EPB41L5: variants seen among roughly 807,000 people sequenced by gnomAD.
EPB41L5 encodes the protein erythrocyte membrane protein band 4.1 like 5.
EPB41L5 carries 55 observed loss-of-function variants against 106.6 expected under a neutral mutation model. The ratio of observed to expected loss-of-function variants is 0.52; its 90% CI spans 0.42 to 0.65. The LOEUF is 0.65. EPB41L5 is among the 30% of genes least tolerant of loss of function. The pLI is 0.00. For missense variants in EPB41L5, 871 were observed against 882.1 expected, an observed-to-expected ratio of 0.99 and a Z score of 0.16; for synonymous variants, 297 against 306.7, an observed-to-expected ratio of 0.97 and a Z score of 0.33.
intron 18 of EPB41L5, among the ~76,000 whole-genome samples, chr2:120,139,848 G>A (rs776104898): frequency 2.0e-5 from 3 of 151,934 alleles, no homozygotes; most frequent in African/African-American, 7.2e-5. Flanking sequence ...TCAGTATATC[G>A]AAGAGATATC....
chr2:120,093,394 A>G, intron 14 of EPB41L5, 118 bp downstream of exon 14: 1 of 826,742 alleles, frequency 1.2e-6, no homozygotes, highest in Non-Finnish European at 2.1e-6. Flanking sequence ...AGCACCAGGG[A>G]TATGTCAGGG....
At chr2:120,153,987 C>G (rs1321686204) in intron 20 of EPB41L5, among the ~76,000 whole-genome samples, 2 of 152,112 alleles carry the variant, frequency 1.3e-5, no homozygotes, top group South Asian at 2.1e-4. Flanking sequence ...CCACTTACAT[C>G]TAAAGTGATT....
rs897384689 is a variant in EPB41L5, at chr2:120,174,825, T to C, written c.2136-16T>C. ...CCCAGGGGTTCCCTGAGTAACCCAT[T>C]CTCTCTTCCTTTCAGCTCTGGTCCC... On this transcript the variant is annotated splice_polypyrimidine_tract_variant and intron_variant, in intron 24 of 24. Transcript: ENST00000263713. 3 of 1,613,788 alleles carry C rather than the reference T, an allele frequency of 1.9e-6. No individual in the cohort carries two copies. The African/African-American group carries it at 4.0e-5, about 22-fold the overall frequency.
intron 17 of EPB41L5, chr2:120,128,227 GAAAT>G (rs1304675359): frequency 7.6e-5 from 11 of 144,986 alleles, no homozygotes; most frequent in Admixed American, 4.9e-4. Flanking sequence ...CCCACAAAAA[GAAAT>G]AACACAGAAA....
chr2:120,159,106 G>A (rs892287795), intron 20 of EPB41L5, among the ~76,000 whole-genome samples: 1 of 152,048 alleles, frequency 6.6e-6, no homozygotes, highest in Non-Finnish European at 1.5e-5. Flanking sequence ...ACAGACTAAT[G>A]GAAAAACATT....
At chr2:120,045,866 T>C (rs544111361) in intron 3 of EPB41L5, among the ~76,000 whole-genome samples, 7 of 150,420 alleles carry the variant, frequency 4.7e-5, no homozygotes, top group African/African-American at 1.7e-4. Context: ...TTCCCAAGTG[T>C]TCTCATTGTT....
chr2:120,090,199 G>A (rs1165446213), intron 11 of EPB41L5, 148 bp from the exon 12 acceptor site: 3 of 521,394 alleles, frequency 5.8e-6, no homozygotes, highest in Non-Finnish European at 9.6e-6. Context: ...TTTCAGCTCT[G>A]CCCTTATTAT....
chr2:120,150,899 G>A (rs1686642838), intron 20 of EPB41L5, among the ~76,000 whole-genome samples: 1 of 152,032 alleles, frequency 6.6e-6, no homozygotes, highest in African/African-American at 2.4e-5. Context: ...CTTTTCTTAG[G>A]TTGTCTGTGC....
intron 2 of EPB41L5, among the ~76,000 whole-genome samples, chr2:120,038,641 C>T (rs187989823): frequency 6.6e-6 from 1 of 152,284 alleles, no homozygotes; most frequent in Non-Finnish European, 1.5e-5. Context: ...TTAGTCCCAG[C>T]TACTTGGAAG....
chr2:120,053,697 A>G (rs1035967586), intron 3 of EPB41L5, among the ~76,000 whole-genome samples: 3 of 152,144 alleles, frequency 2.0e-5, no homozygotes, highest in African/African-American at 7.2e-5. Flanking sequence ...ATTCTATTGT[A>G]TGAATATATC....
chr2:120,149,433 G>A (rs1163506870), intron 20 of EPB41L5, among the ~76,000 whole-genome samples: 1 of 152,074 alleles, frequency 6.6e-6, no homozygotes, highest in Non-Finnish European at 1.5e-5. Flanking sequence ...TCTACTTTCT[G>A]TCTCTATAGA....
At chr2:120,115,427 C>T (rs1324297526) in intron 16 of EPB41L5, among the ~76,000 whole-genome samples, 14 of 152,276 alleles carry the variant, frequency 9.2e-5, no homozygotes, top group East Asian at 3.9e-4. Flanking sequence ...TTTTTTGAGA[C>T]GGAGTCTCAC....
At chr2:120,161,211 TACCA>T in intron 21 of EPB41L5, among the ~76,000 whole-genome samples, 1 of 152,002 alleles carries the variant, frequency 6.6e-6, no homozygotes, top group Non-Finnish European at 1.5e-5. Flanking sequence ...AACCTGTCTC[TACCA>T]ATAATACAAA....
At chr2:120,104,125 C>T (rs750766524) in intron 16 of EPB41L5, 3 of 1,535,898 alleles carry the variant, frequency 2.0e-6, no homozygotes, top group African/African-American at 1.4e-5. Context: ...GCCTTGCCCC[C>T]ACCCCAGACC....
intron 15 of EPB41L5, 24 bp from the exon 16 acceptor site, chr2:120,100,675 A>T (rs1355244651): frequency 6.4e-7 from 1 of 1,561,820 alleles, no homozygotes; most frequent in East Asian, 2.2e-5. Context: ...CAAAATAGAT[A>T]ATTTTTATAA....
chr2:120,174,865 A>C lies in EPB41L5; in HGVS notation c.2160A>C (p.Glu720Asp), dbSNP rs753856682. The change falls in exon 25 of 25, where the codon GAA (glutamate) becomes GAC (aspartate). Residue 720 changes from glutamate (E) to aspartate (D), a missense_variant. Physicochemically the swap from Glu to Asp is conservative, Grantham distance 45. Transcript: ENST00000263713. ...GCTCTGGTCCCATTTTGGCAGAAGA[A>C]GCTGTCCTGAAGCAGAAGTGTTTAC... ...VTSSGPILAE[E>D]AVLKQKCLLT... 1.5e-5 allele frequency: 24 copies of C among 1,614,054 alleles called. No homozygotes were observed. The highest frequency in any genetic ancestry group is 1.8e-5 in the Non-Finnish European group (21 of 1,180,030).
chr2:120,061,216 A>AT (rs982879680), intron 3 of EPB41L5, among the ~76,000 whole-genome samples: 1,847 of 99,150 alleles, frequency 0.019, 19 homozygotes, highest in Non-Finnish European at 0.027. Context: ...AATTTTTTGT[A>AT]TTTTTTTTTT....
chr2:120,094,232 C>T (rs1198149366), intron 14 of EPB41L5, among the ~76,000 whole-genome samples: 3 of 152,170 alleles, frequency 2.0e-5, no homozygotes, highest in Non-Finnish European at 4.4e-5. Flanking sequence ...AGCAATCCTC[C>T]TGCCTCTGCC....
At chr2:120,071,077 A>G (rs1450815597) in intron 3 of EPB41L5, among the ~76,000 whole-genome samples, 1 of 152,234 alleles carries the variant, frequency 6.6e-6, no homozygotes, top group African/African-American at 2.4e-5. Flanking sequence ...ATGATTGTAT[A>G]TTTAGAAAAC....
Sources: gnomAD v4.1 joint callset for allele counts (sites outside exome capture counted in the v4.1 genomes callset) on GRCh38, gnomAD v4.1.1 for gene constraint, MANE v1.5 for transcripts, NCBI Gene and HGNC (gene_info 2026-07-23, HGNC 2026-07-21) for gene names.